RYR2: variants seen among roughly 807,000 people sequenced by gnomAD.
The protein encoded by RYR2 is cardiac muscle ryanodine receptor-calcium release channel.
In RYR2, 227 loss-of-function variants were observed where a neutral mutation model predicts 601.1. That is an observed-to-expected ratio of 0.38 (90% CI 0.34 to 0.42). The LOEUF (loss-of-function observed/expected upper bound fraction) is 0.42. Ranked by LOEUF, RYR2 falls within the 10% of genes least tolerant of loss-of-function variation. The pLI is 1.00. For synonymous variants in RYR2, 2,223 were observed against 2,175.1 expected, an observed-to-expected ratio of 1.02 and a Z score of -0.61; for missense variants, 4,646 against 6,156.5, an observed-to-expected ratio of 0.75 and a Z score of 8.21.
Position 237,057,470 on chromosome 1 carries a change from C to A in RYR2, c.48+14901C>A, listed in dbSNP as rs139856559. On this transcript the variant is annotated intron_variant, in intron 1 of 104. Transcript: ENST00000366574. ...AAAGTGCTGGGATTATAGGCGTGAG[C>A]CACCGCGCCTGGCCCTGAGGAGACT... 6.4e-3 allele frequency among the ~76,000 whole-genome samples: 975 copies of A among 152,252 alleles called. 1 individual carries two copies. Among genetic ancestry groups the A allele is most frequent in the Non-Finnish European group, 0.01 (683 of 68,028 alleles).
chr1:237,120,431 G>A (rs979658472), intron 1 of RYR2, among the ~76,000 whole-genome samples: 1 of 152,184 alleles, frequency 6.6e-6, no homozygotes, highest in African/African-American at 2.4e-5. Context: ...ATGCAAAGCT[G>A]TTCTGAGTCT....
At chr1:237,126,810 A>C (rs187464471) in intron 1 of RYR2, among the ~76,000 whole-genome samples, 2 of 151,342 alleles carry the variant, frequency 1.3e-5, no homozygotes, top group Admixed American at 6.6e-5. Flanking sequence ...TTTTATTGAT[A>C]ATTCTTGGGT....
chr1:237,258,325 G>A (rs945070931), intron 1 of RYR2, among the ~76,000 whole-genome samples: 1 of 152,048 alleles, frequency 6.6e-6, no homozygotes, highest in Non-Finnish European at 1.5e-5. Flanking sequence ...CATGCAATAT[G>A]TCTGATGGAC....
chr1:237,673,959 G>T, intron 58 of RYR2, 137 bp from the exon 59 acceptor site: 1 of 570,182 alleles, frequency 1.8e-6, no homozygotes, highest in Non-Finnish European at 3.1e-6. Flanking sequence ...GGCAGTAGAG[G>T]CAGAAGAGTC....
intron 100 of RYR2, among the ~76,000 whole-genome samples, chr1:237,818,712 G>A (rs1048217755): frequency 5.9e-5 from 9 of 151,324 alleles, no homozygotes; most frequent in East Asian, 1.9e-4. Flanking sequence ...GAATGTGTTC[G>A]TAATATGATT....
chr1:237,511,238 G>A (rs560460872), intron 23 of RYR2, among the ~76,000 whole-genome samples: 22 of 150,588 alleles, frequency 1.5e-4, no homozygotes, highest in African/African-American at 5.1e-4. Context: ...TCTAATTCAC[G>A]GAGACAGACA....
At chr1:237,401,224 A>G (rs1703321042) in intron 10 of RYR2, among the ~76,000 whole-genome samples, 1 of 152,200 alleles carries the variant, frequency 6.6e-6, no homozygotes. Context: ...TCAAAATTAA[A>G]CAGGCTATTT....
chr1:237,491,762 A>G (rs1157561150), intron 17 of RYR2, 44 bp from the exon 18 acceptor site: 1 of 901,178 alleles, frequency 1.1e-6, no homozygotes, highest in African/African-American at 1.7e-5. Flanking sequence ...TTGTACACCA[A>G]TTAATCATGT....
intron 1 of RYR2, among the ~76,000 whole-genome samples, chr1:237,255,805 G>T (rs1687901495): frequency 6.6e-6 from 1 of 151,534 alleles, no homozygotes; most frequent in Non-Finnish European, 1.5e-5. Context: ...CAAATTATTT[G>T]TGTGATGTTC....
intron 1 of RYR2, among the ~76,000 whole-genome samples, chr1:237,167,211 A>T (rs939402005): frequency 9.9e-5 from 15 of 152,182 alleles, no homozygotes; most frequent in African/African-American, 3.6e-4. Flanking sequence ...GGAGATTTCC[A>T]GGGGTTGATT....
chr1:237,613,155 A>G (rs2148587989), intron 36 of RYR2, among the ~76,000 whole-genome samples: 1 of 152,380 alleles, frequency 6.6e-6, no homozygotes, highest in South Asian at 2.1e-4. Flanking sequence ...TGATGCCCCA[A>G]TAACATGACA....
At chr1:237,594,814 C>T (rs574822794) in intron 33 of RYR2, among the ~76,000 whole-genome samples, 2 of 143,882 alleles carry the variant, frequency 1.4e-5, no homozygotes, top group East Asian at 4.4e-4. Flanking sequence ...AATTACTTAA[C>T]TTTGTTACCA....
chr1:237,243,873 A>C (rs1686478509), intron 1 of RYR2, among the ~76,000 whole-genome samples: 1 of 152,200 alleles, frequency 6.6e-6, no homozygotes, highest in Admixed American at 6.5e-5. Context: ...ACATTATAAC[A>C]CAATGTGGCA....
At chr1:237,202,983 G>C (rs1442344931) in intron 1 of RYR2, among the ~76,000 whole-genome samples, 1 of 152,170 alleles carries the variant, frequency 6.6e-6, no homozygotes, top group Non-Finnish European at 1.5e-5. Flanking sequence ...AAGATAACCT[G>C]TTTGCCATTC....
rs116951639 is a variant in RYR2 at position 237,694,919 on chromosome 1, A to G, written c.9068-4046A>G. Among the ~76,000 whole-genome samples the G allele has an allele frequency of 9.8e-5, 15 of 152,298 alleles. No homozygotes were observed. In the East Asian group the frequency reaches 2.9e-3, roughly 29 times the overall value. On this transcript the variant is annotated intron_variant, in intron 63 of 104. Coordinates refer to ENST00000366574, the MANE Select transcript of RYR2 (RefSeq NM_001035.3). ...GGCACAGTGGTATTTCACATTGTTA[A>G]TAGAATTCTGCCAAGATTAATCATT... is the stretch of plus-strand genomic sequence containing the variant.
chr1:237,666,048 G>A (rs570257348), intron 56 of RYR2, among the ~76,000 whole-genome samples: 50 of 152,220 alleles, frequency 3.3e-4, no homozygotes, highest in African/African-American at 1.1e-3. Context: ...ATTTCCAAGT[G>A]CATTGCTGAA....
intron 73 of RYR2, among the ~76,000 whole-genome samples, 151 bp downstream of exon 73, chr1:237,718,672 TA>T (rs749541263): frequency 1.9e-4 from 29 of 152,208 alleles, no homozygotes; most frequent in Non-Finnish European, 2.9e-4. Flanking sequence ...CCTTTTGTAT[TA>T]AAAATTCTAA....
rs181488062 is a variant in RYR2, at chr1:237,454,357, C to G, written c.1293-34C>G. The G allele has an allele frequency of 1.5e-5, 24 of 1,554,456 alleles. 1 individual carries two copies. The Admixed American group carries it at 3.9e-4, about 25-fold the overall frequency. ...GGAAAAATGATAAAATTGTGAATCA[C>G]TGACAATAGAGAAATGTTTATGGTT... On this transcript the variant is annotated intron_variant, in intron 14 of 104. Transcript: ENST00000366574.
chr1:237,457,464 G>A (rs964642714), intron 16 of RYR2, among the ~76,000 whole-genome samples: 1 of 152,134 alleles, frequency 6.6e-6, no homozygotes, highest in African/African-American at 2.4e-5. Flanking sequence ...TAGTAAGTTA[G>A]CCTGCAGTTA....
Sources: allele counts gnomAD v4.1 joint callset (sites outside exome capture counted in the v4.1 genomes callset), GRCh38; gene constraint gnomAD v4.1.1; transcripts MANE v1.5; gene names NCBI Gene and HGNC (gene_info 2026-07-23, HGNC 2026-07-21).